THSD4: variants seen among roughly 807,000 people sequenced by gnomAD.
THSD4 encodes thrombospondin type-1 domain-containing protein 4.
THSD4 carries 69 observed loss-of-function variants against 119.0 expected under a neutral mutation model. The ratio of observed to expected loss-of-function variants is 0.58; its 90% CI spans 0.48 to 0.71. The LOEUF (loss-of-function observed/expected upper bound fraction) is 0.71, where lower values mean the gene tolerates loss of function less well. Among genes scored for constraint, THSD4 ranks in the 30% least tolerant of loss-of-function variants. The pLI, the probability that THSD4 is intolerant of heterozygous loss-of-function variation, is 0.00. For synonymous variants in THSD4, 524 were observed against 540.4 expected (o/e 0.97, Z 0.42); for missense variants, 1,393 against 1,391.1 (o/e 1.00, Z -0.02).
rs1459766369 is a variant in THSD4, at chr15:71,375,677, C to T, written c.1016-36010C>T. On this transcript the variant is annotated intron_variant, in intron 6 of 17. Coordinates refer to ENST00000261862, the MANE Select transcript of THSD4 (RefSeq NM_024817.3). ...CCAGCCTTGAAAGATAAGTTAAGAA[C>T]AAGAGGAGAGAGGATGTGGTTTTAT... 3.9e-5 allele frequency among the ~76,000 whole-genome samples: 6 copies of T among 152,200 alleles called. No homozygotes were observed. In the South Asian group the frequency reaches 6.2e-4, roughly 16 times the overall value.
chr15:71,760,925 A>G (rs1015749961), intron 15 of THSD4, among the ~76,000 whole-genome samples: 1 of 151,976 alleles, frequency 6.6e-6, no homozygotes, highest in African/African-American at 2.4e-5. Context: ...TTTTCACCTG[A>G]TGTATCTTCA....
intron 6 of THSD4, among the ~76,000 whole-genome samples, chr15:71,408,315 C>T (rs774569038): frequency 2.6e-5 from 4 of 152,140 alleles, no homozygotes; most frequent in Non-Finnish European, 5.9e-5. Context: ...TCATTGCAGC[C>T]TCAAACTCCT....
intron 8 of THSD4, among the ~76,000 whole-genome samples, chr15:71,677,981 C>T (rs904307935): frequency 3.9e-5 from 6 of 152,186 alleles, no homozygotes; most frequent in African/African-American, 7.2e-5. Flanking sequence ...AACATTGTCT[C>T]CTAGCCCACT....
At chr15:71,291,720 A>T (rs553364322) in intron 6 of THSD4, among the ~76,000 whole-genome samples, 2 of 152,318 alleles carry the variant, frequency 1.3e-5, no homozygotes, top group South Asian at 4.1e-4. Flanking sequence ...ATATCTGGGC[A>T]CCCTATGACC....
intron 15 of THSD4, among the ~76,000 whole-genome samples, chr15:71,759,401 A>G (rs535233530): frequency 6.6e-6 from 1 of 152,186 alleles, no homozygotes; most frequent in Non-Finnish European, 1.5e-5. Flanking sequence ...CTGTTTCCTC[A>G]TCTGAATATG....
At chr15:71,464,396 G>A (rs1006756340) in intron 7 of THSD4, among the ~76,000 whole-genome samples, 1 of 152,054 alleles carries the variant, frequency 6.6e-6, no homozygotes, top group African/African-American at 2.4e-5. Context: ...TTTAGAGAAG[G>A]TATACTCTTT....
chr15:71,484,056 C>T (rs780355092), intron 7 of THSD4, among the ~76,000 whole-genome samples: 41 of 152,268 alleles, frequency 2.7e-4, no homozygotes, highest in Non-Finnish European at 5.6e-4. Flanking sequence ...AAATATATCT[C>T]AGAATGGTAT....
rs142431237 is a variant in THSD4, at chr15:71,415,916, C to T, written c.1152+4093C>T. The stretch of plus-strand genomic sequence containing the variant: ...GGTTCAAGCCATTCTCCTGTCTCAG[C>T]CTCCTGAGTAGCTGGGATTACAGAC... On this transcript the variant is annotated intron_variant, in intron 7 of 17. Coordinates refer to ENST00000261862, the MANE Select transcript of THSD4 (RefSeq NM_024817.3). Among the ~76,000 whole-genome samples the T allele has an allele frequency of 3.6e-3, 548 of 152,314 alleles. 7 individuals are homozygous for T. Among genetic ancestry groups the T allele is most frequent in the South Asian group, 0.028 (134 of 4,826 alleles).
intron 7 of THSD4, among the ~76,000 whole-genome samples, chr15:71,515,139 A>G (rs1293469750): frequency 6.6e-6 from 1 of 152,240 alleles, no homozygotes; most frequent in Non-Finnish European, 1.5e-5. Context: ...AGCAATTTAC[A>G]TTCTCACCAG....
At chr15:71,410,590 G>A (rs2140500770) in intron 6 of THSD4, among the ~76,000 whole-genome samples, 1 of 152,306 alleles carries the variant, frequency 6.6e-6, no homozygotes, top group South Asian at 2.1e-4. Context: ...TCTTGAAAGA[G>A]GTTTTATCCC....
At chr15:71,376,643 T>C (rs894313095) in intron 6 of THSD4, among the ~76,000 whole-genome samples, 9 of 152,348 alleles carry the variant, frequency 5.9e-5, no homozygotes, top group African/African-American at 9.6e-5. Context: ...GGCCAACTTA[T>C]GTTCACAGAC....
intron 7 of THSD4, among the ~76,000 whole-genome samples, chr15:71,657,130 T>C (rs1249389736): frequency 6.6e-6 from 1 of 152,208 alleles, no homozygotes; most frequent in East Asian, 1.9e-4. Flanking sequence ...CCTCATGGCC[T>C]GATAGCTTGT....
chr15:71,529,147 G>A (rs1248359748), intron 7 of THSD4, among the ~76,000 whole-genome samples: 2 of 152,208 alleles, frequency 1.3e-5, no homozygotes, highest in African/African-American at 4.8e-5. Context: ...CATGTATTGA[G>A]GGGCATAGAG....
At chr15:71,674,215 G>T (rs976797113) in intron 8 of THSD4, among the ~76,000 whole-genome samples, 6 of 152,102 alleles carry the variant, frequency 3.9e-5, no homozygotes, top group African/African-American at 9.7e-5. Flanking sequence ...CTCTGCTCTT[G>T]CTCTTATGTG....
At chr15:71,469,432 A>G (rs1288198200) in intron 7 of THSD4, among the ~76,000 whole-genome samples, 1 of 152,134 alleles carries the variant, frequency 6.6e-6, no homozygotes, top group Non-Finnish European at 1.5e-5. Flanking sequence ...CCCATGGAGA[A>G]CAGTGAGACA....
intron 6 of THSD4, among the ~76,000 whole-genome samples, chr15:71,345,203 TG>T (rs1214843650): frequency 2.1e-4 from 2 of 9,580 alleles, no homozygotes; most frequent in African/African-American, 4.4e-4. Context: ...GGCGGGGGGT[TG>T]GGGGGGTGGG....
chr15:71,694,653 C>T (rs931591651), intron 8 of THSD4, among the ~76,000 whole-genome samples: 8 of 152,164 alleles, frequency 5.3e-5, no homozygotes, highest in East Asian at 1.9e-4. Context: ...AGAAATCCAG[C>T]GATTGCTGCC....
At chr15:71,353,608 C>T (rs1055947646) in intron 6 of THSD4, among the ~76,000 whole-genome samples, 7 of 152,176 alleles carry the variant, frequency 4.6e-5, no homozygotes, top group African/African-American at 7.2e-5. Flanking sequence ...AATGTTTTCT[C>T]TGTGAACACA....
chr15:71,153,903 A>G (rs1384311908), intron 2 of THSD4, among the ~76,000 whole-genome samples: 2 of 152,218 alleles, frequency 1.3e-5, no homozygotes, highest in Non-Finnish European at 2.9e-5. Flanking sequence ...AATTGACAAT[A>G]CTTGTCTCAC....
Sources: allele counts gnomAD v4.1 joint callset (sites outside exome capture counted in the v4.1 genomes callset), GRCh38; gene constraint gnomAD v4.1.1; transcripts MANE v1.5; gene names NCBI Gene and HGNC (gene_info 2026-07-23, HGNC 2026-07-21).